RNF144A: variants seen among roughly 807,000 people sequenced by gnomAD.
RNF144A encodes E3 ubiquitin-protein ligase RNF144A.
In RNF144A, 11 loss-of-function variants were observed where a neutral mutation model predicts 38.7. That is an observed-to-expected ratio of 0.28 (90% CI 0.18 to 0.47). The LOEUF (loss-of-function observed/expected upper bound fraction) is 0.47, where lower values mean the gene tolerates loss of function less well. Ranked by LOEUF, RNF144A falls within the 20% of genes least tolerant of loss-of-function variation. The probability of loss-of-function intolerance (pLI) is 0.99; values close to 1 mark genes in which losing one functional copy is unlikely to be tolerated. For missense variants in RNF144A, 316 were observed against 377.2 expected (o/e 0.84, Z 1.34); for synonymous variants, 149 against 143.9 (o/e 1.04, Z -0.25).
At chr2:6,948,634 C>CTCTTAAGAGG in intron 2 of RNF144A, among the ~76,000 whole-genome samples, 1 of 152,180 alleles carries the variant, frequency 6.6e-6, no homozygotes, top group Non-Finnish European at 1.5e-5. Context: ...TTAGGAGAGA[C>CTCTTAAGAGG]TCTTAAGAGG....
At chr2:7,011,365 G>T (rs764832391) in intron 3 of RNF144A, among the ~76,000 whole-genome samples, 4 of 152,080 alleles carry the variant, frequency 2.6e-5, no homozygotes, top group Non-Finnish European at 5.9e-5. Flanking sequence ...CTCTAAACTG[G>T]CTCATGTAAA....
intron 1 of RNF144A, among the ~76,000 whole-genome samples, 169 bp from the exon 2 acceptor site, chr2:6,940,779 A>G (rs1558367215): frequency 6.6e-6 from 1 of 152,126 alleles, no homozygotes. Flanking sequence ...TTTTTTTAAC[A>G]TAGTAAACCT....
intron 2 of RNF144A, among the ~76,000 whole-genome samples, chr2:6,966,932 A>G (rs917431427): frequency 6.6e-6 from 1 of 152,138 alleles, no homozygotes; most frequent in African/African-American, 2.4e-5. Context: ...TTGAAGATCC[A>G]TGCTTCTCCC....
chr2:7,039,270 A>T (rs1224169502), intron 8 of RNF144A, among the ~76,000 whole-genome samples: 1 of 135,398 alleles, frequency 7.4e-6, no homozygotes, highest in African/African-American at 2.9e-5. Flanking sequence ...TTAATGGATG[A>T]ATGGGTAGAT....
chr2:7,050,599 T>C (rs1421220457), intron 6 of RNF144A, among the ~76,000 whole-genome samples: 1 of 152,214 alleles, frequency 6.6e-6, no homozygotes, highest in Non-Finnish European at 1.5e-5. Flanking sequence ...TGTTTCCATC[T>C]TGTGATGCTT....
intron 3 of RNF144A, among the ~76,000 whole-genome samples, chr2:7,006,820 T>C (rs1202205053): frequency 6.6e-6 from 1 of 151,972 alleles, no homozygotes; most frequent in Non-Finnish European, 1.5e-5. Context: ...AGGAGGTAGG[T>C]GTCCCTTCCC....
intron 1 of RNF144A, among the ~76,000 whole-genome samples, chr2:6,921,951 G>A (rs1049770024): frequency 1.3e-5 from 2 of 152,216 alleles, no homozygotes; most frequent in African/African-American, 4.8e-5. Flanking sequence ...GGCCTTTTTA[G>A]GGTGGCTGGT....
chr2:7,073,662 T>A, the RNF144A span, among the ~76,000 whole-genome samples: 24 of 152,238 alleles, frequency 1.6e-4, no homozygotes, highest in African/African-American at 5.8e-4. Context: ...AAGTAAAGAT[T>A]ATAACAAGCT....
At chr2:7,011,583 G>T (rs567798574) in intron 3 of RNF144A, among the ~76,000 whole-genome samples, 1 of 152,316 alleles carries the variant, frequency 6.6e-6, no homozygotes, top group East Asian at 1.9e-4. Context: ...AGCTAACATA[G>T]GTAATGCAAT....
chr2:6,957,288 A>G (rs1247776140), intron 2 of RNF144A, among the ~76,000 whole-genome samples: 1 of 152,224 alleles, frequency 6.6e-6, no homozygotes, highest in Non-Finnish European at 1.5e-5. Context: ...CTCAGCGTAG[A>G]GGGCCTGGCA....
chr2:6,942,761 A>G (rs957459999), intron 2 of RNF144A, among the ~76,000 whole-genome samples: 2 of 152,202 alleles, frequency 1.3e-5, no homozygotes, highest in Non-Finnish European at 2.9e-5. Flanking sequence ...AGATGGGTGG[A>G]TCACCTGAGG....
chr2:7,053,040 G>A (rs936112525), intron 6 of RNF144A, among the ~76,000 whole-genome samples: 1 of 152,156 alleles, frequency 6.6e-6, no homozygotes, highest in Non-Finnish European at 1.5e-5. Context: ...TCAGTTCTTA[G>A]TGAAATTGTG....
rs554751726 is a variant in RNF144A at position 6,930,809 on chromosome 2, G to T, written c.-211-10139G>T. Among the ~76,000 whole-genome samples, 73 of 152,092 alleles carry T rather than the reference G, an allele frequency of 4.8e-4. No individual in the cohort carries two copies. The South Asian group carries it at 0.015, about 31-fold the overall frequency. On this transcript the variant is annotated intron_variant, in intron 1 of 8. Coordinates refer to ENST00000320892, the MANE Select transcript of RNF144A (RefSeq NM_014746.6). The stretch of plus-strand genomic sequence containing the variant: ...GGGATTTGCCATGTTGCCCGGGCTG[G>T]TCTTGAATTTTTGAGCTCAAGCAAT...
intron 7 of RNF144A, among the ~76,000 whole-genome samples, chr2:7,025,667 A>G (rs1300228994): frequency 3.3e-5 from 5 of 152,192 alleles, no homozygotes; most frequent in South Asian, 2.1e-4. Flanking sequence ...GTGAGACTCC[A>G]TCTCAAAAAA....
chr2:7,075,322 G>C, the RNF144A span, among the ~76,000 whole-genome samples: 8 of 150,294 alleles, frequency 5.3e-5, no homozygotes, highest in South Asian at 1.5e-3. Context: ...GGGCCAGTTT[G>C]AGCTTCCTCC....
chr2:7,017,626 T>C (rs1572410999), intron 5 of RNF144A, among the ~76,000 whole-genome samples: 1 of 152,350 alleles, frequency 6.6e-6, no homozygotes, highest in East Asian at 1.9e-4. Context: ...GAGACCTGCT[T>C]CATTAATCTG....
intron 7 of RNF144A, among the ~76,000 whole-genome samples, chr2:7,027,976 A>T (rs1672026931): frequency 1.1e-5 from 1 of 90,674 alleles, no homozygotes; most frequent in African/African-American, 4.4e-5. Flanking sequence ...TGGTGAGATG[A>T]GGGTGGGGGG....
downstream of RNF144A, chr2:7,044,180 C>A (rs774244706): frequency 2.0e-6 from 2 of 985,408 alleles, no homozygotes; most frequent in South Asian, 4.7e-5. Context: ...CTTTTGTAAA[C>A]CCCGCGTGGC....
At chr2:7,032,126 T>C (rs1672344789) in intron 8 of RNF144A, among the ~76,000 whole-genome samples, 1 of 152,280 alleles carries the variant, frequency 6.6e-6, no homozygotes, top group African/African-American at 2.4e-5. Flanking sequence ...CCCTCTGGTC[T>C]AGAGAGTTGG....
Sources: gnomAD v4.1 joint callset for allele counts (sites outside exome capture counted in the v4.1 genomes callset) on GRCh38, gnomAD v4.1.1 for gene constraint, MANE v1.5 for transcripts, NCBI Gene and HGNC (gene_info 2026-07-23, HGNC 2026-07-21) for gene names.